Variants in POLR3A observed in about 807,000 individuals in gnomAD.
POLR3A encodes the protein DNA-directed RNA polymerase III subunit RPC1.
POLR3A carries 112 observed loss-of-function variants against 152.8 expected under a neutral mutation model. That is an observed-to-expected ratio of 0.73 (90% confidence interval 0.63 to 0.86). The LOEUF is 0.86. Ranked by LOEUF, POLR3A falls within the 40% of genes least tolerant of loss-of-function variation. The pLI, the probability that POLR3A is intolerant of heterozygous loss-of-function variation, is 0.00. For missense variants in POLR3A, 1,385 were observed against 1,743.1 expected (o/e 0.79, Z 3.66); for synonymous variants, 615 against 652.1 (o/e 0.94, Z 0.87).
In POLR3A at chr10:78,022,403, G is replaced by A. The variant is rs767410994; in HGVS notation, c.646-19C>T. On this transcript the variant is annotated intron_variant, in intron 5 of 30. Coordinates refer to ENST00000372371, the MANE Select transcript of POLR3A (RefSeq NM_007055.4). ...AGTTTTCCTATGGAAACGAAGAAAG[G>A]CAGAAATGGAGATACTATGTTAGTT... The A allele has an allele frequency of 7.4e-6, 12 of 1,611,926 alleles. No individual in the cohort carries two copies. The South Asian group carries it at 1.2e-4, about 16-fold the overall frequency.
Position 78,000,058 on chromosome 10 carries a change from A to G in POLR3A, c.2539T>C (p.Phe847Leu), listed in dbSNP as rs76181965. The change falls in exon 19 of 31, where the codon TTT (phenylalanine) becomes CTT (leucine). Residue 847 changes from phenylalanine to leucine, a missense_variant. Phe to Leu is a conservative substitution (Grantham distance 22). This residue lies in a region of POLR3A where 170 missense variants were observed against 231.2 expected (regional missense o/e 0.74). Coordinates refer to ENST00000372371, the MANE Select transcript of POLR3A (RefSeq NM_007055.4). ...SFYSGLTPTE[F>L]FFHTMAGREG... is the part of the protein sequence containing the mutation. ...CGGCCGGCCATTGTGTGGAAGAAAA[A>G]CTCAGTTGGTGTCAAACCGGAATAA... is the stretch of plus-strand genomic sequence containing the variant. The G allele has an allele frequency of 2.2e-5, 36 of 1,614,054 alleles. No individual in the cohort carries two copies. In the East Asian group the frequency reaches 8.0e-4, roughly 36 times the overall value.
intron 30 of POLR3A, among the ~76,000 whole-genome samples, chr10:77,978,038 T>G (rs1211672324): frequency 6.6e-6 from 1 of 152,162 alleles, no homozygotes; most frequent in Non-Finnish European, 1.5e-5. Context: ...AGCAAACAAC[T>G]GGGACAGTAG....
At chr10:78,017,087 G>A (rs1024501274) in intron 10 of POLR3A, among the ~76,000 whole-genome samples, 3 of 151,824 alleles carry the variant, frequency 2.0e-5, no homozygotes, top group Non-Finnish European at 4.4e-5. Context: ...AAATTAAAAA[G>A]TTTCACTCAA....
intron 19 of POLR3A, among the ~76,000 whole-genome samples, chr10:77,998,512 A>G (rs1847324709): frequency 1.3e-5 from 2 of 152,252 alleles, no homozygotes; most frequent in African/African-American, 4.8e-5. Flanking sequence ...ACACTTCTCA[A>G]AAGAAGACAT....
chr10:78,002,358 G>T, intron 16 of POLR3A, 50 bp from the exon 17 acceptor site: 1 of 1,147,384 alleles, frequency 8.7e-7, no homozygotes, highest in Non-Finnish European at 1.3e-6. Context: ...TTGTCTCTGT[G>T]GATTACAAAT....
chr10:77,991,063 G>A lies in POLR3A; in HGVS notation c.2892C>T (p.Ser964=). ...KKSEFLCCQD[S]FLQEIKKFIK... The stretch of plus-strand genomic sequence containing the variant: ...ACCTGGCAGAGCTCACCTGCAGGAA[G>A]CTGTCCTGGCAGCAGAGGAACTCAC... The change falls in exon 21 of 31, where the codon AGC becomes AGT. Residue 964 remains serine, a synonymous_variant. Transcript: ENST00000372371. The A allele has an allele frequency of 6.3e-7, 1 of 1,596,790 alleles. No individual in the cohort carries two copies. Among genetic ancestry groups the A allele is most frequent in the Non-Finnish European group, 8.6e-7 (1 of 1,164,260 alleles).
At chr10:78,025,245 C>T in intron 3 of POLR3A, 103 bp from the exon 4 acceptor site, 1 of 1,221,178 alleles carries the variant, frequency 8.2e-7, no homozygotes, top group Non-Finnish European at 1.2e-6. Flanking sequence ...ACCACGTGAC[C>T]ATATACACAG....
chr10:78,028,448 C>G (rs975323736), intron 1 of POLR3A, among the ~76,000 whole-genome samples: 2 of 152,132 alleles, frequency 1.3e-5, no homozygotes, highest in African/African-American at 4.8e-5. Flanking sequence ...CAGACCGTAT[C>G]TTTAACGTCC....
intron 19 of POLR3A, among the ~76,000 whole-genome samples, chr10:77,993,625 C>T (rs1036353900): frequency 6.6e-6 from 1 of 152,162 alleles, no homozygotes; most frequent in African/African-American, 2.4e-5. Flanking sequence ...CAATTTAAAC[C>T]GCATCACCCA....
At chr10:78,004,598 G>A (rs1265267576) in intron 16 of POLR3A, 118 bp downstream of exon 16, 9 of 802,860 alleles carry the variant, frequency 1.1e-5, no homozygotes, top group Non-Finnish European at 1.7e-5. Context: ...AGACGCCAAT[G>A]CCTTGACTTG....
At chr10:77,992,438 CTTTTTTT>C (rs71030926) in intron 20 of POLR3A, among the ~76,000 whole-genome samples, 3 of 76,540 alleles carry the variant, frequency 3.9e-5, no homozygotes, top group Non-Finnish European at 7.2e-5. Flanking sequence ...CTGGCTAATT[CTTTTTTT>C]TTTTTTTTTT....
At position 78,013,816 on chromosome 10, in the gene POLR3A, C is replaced by G. The variant is rs1226046827; in HGVS notation, c.1432-26G>C. 2.5e-6 allele frequency: 4 copies of G among 1,614,056 alleles called. No individual in the cohort carries two copies. The South Asian group carries it at 4.4e-5, about 18-fold the overall frequency. On this transcript the variant is annotated intron_variant, in intron 10 of 30. Transcript: ENST00000372371. ...CTGTGGAACACAAAACAAAACAAAA[C>G]AGGAAGAGGACTTAGGCATTTATCC...
chr10:78,021,354 C>A (rs1480845363), intron 8 of POLR3A, among the ~76,000 whole-genome samples, 192 bp downstream of exon 8: 1 of 152,142 alleles, frequency 6.6e-6, no homozygotes, highest in Non-Finnish European at 1.5e-5. Flanking sequence ...ACTGTGGCTG[C>A]AAATGGTTTA....
chr10:78,000,859 A>G, intron 18 of POLR3A, 117 bp downstream of exon 18: 3 of 690,584 alleles, frequency 4.3e-6, no homozygotes, highest in Non-Finnish European at 8.1e-6. Context: ...AAAAATACAT[A>G]TATAAAACTC....
Position 77,985,237 on chromosome 10 carries a change from C to A in POLR3A, c.3175G>T (p.Ala1059Ser), listed in dbSNP as rs747474962. 6.2e-7 allele frequency: 1 copy of A among 1,614,050 alleles called. No homozygotes were observed. Among genetic ancestry groups the A allele is most frequent in the East Asian group, 2.2e-5 (1 of 44,878 alleles). Reference sequence around the variant, plus strand: ...ACGCCCAGGGTGATGTTCATGGAGGCCACACCTGCAAAGTGGAAAGTCTTC... The same window carrying A: ...ACGCCCAGGGTGATGTTCATGGAGGACACACCTGCAAAGTGGAAAGTCTTC... ...TLKTFHFAGV[A>S]SMNITLGVPR... The change falls in exon 24 of 31, where the codon GCC (alanine) becomes TCC (serine). Residue 1059 changes from alanine to serine, a missense_variant. Coordinates refer to ENST00000372371, the MANE Select transcript of POLR3A (RefSeq NM_007055.4).
chr10:78,025,274 A>G, intron 3 of POLR3A, 132 bp from the exon 4 acceptor site: 1 of 928,716 alleles, frequency 1.1e-6, no homozygotes, highest in East Asian at 2.6e-5. Context: ...ATGGCTCTAT[A>G]CTATGGATAT....
Position 78,029,362 on chromosome 10 carries a change from AC to A in POLR3A, c.44+1del. 6.2e-7 allele frequency: 1 copy of A among 1,614,106 alleles called. No individual in the cohort carries two copies. Among genetic ancestry groups the A allele is most frequent in the Non-Finnish European group, 8.5e-7 (1 of 1,180,026 alleles). On this transcript the variant is annotated splice_donor_variant, in intron 1 of 30. Coordinates refer to ENST00000372371, the MANE Select transcript of POLR3A (RefSeq NM_007055.4). LOFTEE classifies it high-confidence loss of function. ...CCTTTGGCCACTCTTACTCCGTCTT[AC>A]ATTTTCTTGGCCACATCCGTCTCCC...
At chr10:78,026,424 A>G (rs1238171062) in intron 1 of POLR3A, among the ~76,000 whole-genome samples, 195 bp from the exon 2 acceptor site, 3 of 151,900 alleles carry the variant, frequency 2.0e-5, no homozygotes, top group East Asian at 3.9e-4. Context: ...TCCAGTTTCT[A>G]CTCTCACCAT....
At chr10:77,978,972 T>G (rs1356112859) in intron 30 of POLR3A, among the ~76,000 whole-genome samples, 1 of 151,842 alleles carries the variant, frequency 6.6e-6, no homozygotes, top group Non-Finnish European at 1.5e-5. Flanking sequence ...CACGCTTGTT[T>G]TTTGATTTTA....
Sources: gnomAD v4.1 joint callset for allele counts (sites outside exome capture counted in the v4.1 genomes callset) on GRCh38, gnomAD v4.1.1 for gene constraint, gnomAD v4.1.1 regional missense constraint, MANE v1.5 for transcripts, NCBI Gene and HGNC (gene_info 2026-07-23, HGNC 2026-07-21) for gene names.